B3GAT1: variants seen among roughly 807,000 people sequenced by gnomAD.
B3GAT1 encodes the protein galactosylgalactosylxylosylprotein 3-beta-glucuronosyltransferase 1.
A neutral mutation model predicts 28.4 loss-of-function variants in B3GAT1; 11 were observed. The observed-to-expected ratio is 0.39, with a 90% CI of 0.24 to 0.64. B3GAT1 has a LOEUF of 0.64. Among genes scored for constraint, B3GAT1 ranks in the 30% least tolerant of loss-of-function variants. The probability of loss-of-function intolerance (pLI) is 0.50; values close to 1 mark genes in which losing one functional copy is unlikely to be tolerated. For synonymous variants in B3GAT1, 255 were observed against 223.1 expected, an observed-to-expected ratio of 1.14 and a Z score of -1.27; for missense variants, 375 against 491.0, an observed-to-expected ratio of 0.76 and a Z score of 2.23.
chr11:134,410,901 T>C (rs1340345056), intron 1 of B3GAT1, among the ~76,000 whole-genome samples: 1 of 152,228 alleles, frequency 6.6e-6, no homozygotes, highest in Non-Finnish European at 1.5e-5. Flanking sequence ...CAGGTGCCCA[T>C]GCACTGGGCT....
rs1944853569 is a variant in B3GAT1 at position 134,411,545 on chromosome 11, TC to T, written c.-282+261del. ...TTAGAAGCTGCTGAGAACCAGCTCTTCCCCTAATCCCGGTCGACGAGGGCAG... is the reference window on the plus strand; with the variant it reads ...TTAGAAGCTGCTGAGAACCAGCTCTTCCCTAATCCCGGTCGACGAGGGCAG... On this transcript the variant is annotated intron_variant, in intron 1 of 5. Coordinates refer to ENST00000312527, the MANE Select transcript of B3GAT1 (RefSeq NM_054025.3). This position sits in a 1 kb window ranked among gnomAD's most constrained non-coding sequence, Gnocchi z 6.0. 6.6e-6 allele frequency among the ~76,000 whole-genome samples: 1 copy of T among 152,056 alleles called. No homozygotes were observed. Among genetic ancestry groups the T allele is most frequent in the Non-Finnish European group, 1.5e-5 (1 of 67,990 alleles).
At chr11:134,391,431 A>G (rs1162780405) in intron 1 of B3GAT1, 1 of 152,266 alleles carries the variant, frequency 6.6e-6, no homozygotes, top group Non-Finnish European at 1.5e-5. Context: ...AAGGTTGGCC[A>G]GCACTGGTCC....
At chr11:134,406,077 G>A (rs1218249049) in intron 1 of B3GAT1, among the ~76,000 whole-genome samples, 4 of 152,330 alleles carry the variant, frequency 2.6e-5, no homozygotes, top group Admixed American at 6.5e-5. Context: ...AGTTGCAGAC[G>A]CAGCTGGGAC....
chr11:134,395,682 C>A (rs1349774250), intron 1 of B3GAT1, among the ~76,000 whole-genome samples: 1 of 152,228 alleles, frequency 6.6e-6, no homozygotes, highest in South Asian at 2.1e-4. Context: ...TCCTTGCTAC[C>A]TTTCCATCCT....
At chr11:134,403,293 G>A (rs933314895) in intron 1 of B3GAT1, among the ~76,000 whole-genome samples, 1 of 152,158 alleles carries the variant, frequency 6.6e-6, no homozygotes, top group Non-Finnish European at 1.5e-5. Context: ...GAAGGCAGCA[G>A]GGATGAGAGC....
chr11:134,398,386 G>C (rs1010372494), intron 1 of B3GAT1, among the ~76,000 whole-genome samples: 1 of 152,214 alleles, frequency 6.6e-6, no homozygotes, highest in Admixed American at 6.5e-5. Flanking sequence ...GTGAGGCCAA[G>C]AGGCCAGTTC....
At chr11:134,410,143 T>C (rs557652813) in intron 1 of B3GAT1, among the ~76,000 whole-genome samples, 1 of 152,360 alleles carries the variant, frequency 6.6e-6, no homozygotes, top group African/African-American at 2.4e-5. Context: ...GTGAAGCTCC[T>C]TGGTCTCCGC....
At position 134,381,915 on chromosome 11, in the gene B3GAT1, T is replaced by A. The variant is rs370252219; in HGVS notation, c.*14+9A>T. 3.1e-4 allele frequency: 494 copies of A among 1,611,110 alleles called. 1 individual carries two copies. Among genetic ancestry groups the A allele is most frequent in the Non-Finnish European group, 3.4e-4 (403 of 1,177,594 alleles). On this transcript the variant is annotated intron_variant, in intron 5 of 5. Coordinates refer to ENST00000312527, the MANE Select transcript of B3GAT1 (RefSeq NM_054025.3). Reference sequence around the variant, plus strand: ...CCCAGTGTGTGGCCCACCCTCGTCATGCCCATACCTGCATCCTGAGGCTCA... The same window carrying A: ...CCCAGTGTGTGGCCCACCCTCGTCAAGCCCATACCTGCATCCTGAGGCTCA...
At chr11:134,399,856 T>G (rs773147926) in intron 1 of B3GAT1, among the ~76,000 whole-genome samples, 2 of 152,160 alleles carry the variant, frequency 1.3e-5, no homozygotes, top group Non-Finnish European at 2.9e-5. Context: ...CAGCACAGCC[T>G]GGACATAAGC....
In B3GAT1 at chr11:134,382,992, C is replaced by T. The variant is rs149652609; in HGVS notation, c.636G>A (p.Arg212=). ...LELFEEMRST[R]RVSVWPVAFV... is the part of the protein sequence containing the mutation. The stretch of plus-strand genomic sequence containing the variant: ...AGGCGACGGGCCACACGGACACCCT[C>T]CTGGTGCTGCGCATCTACAAGGGGG... The change falls in exon 4 of 6, where the codon AGG becomes AGA. Residue 212 remains arginine (R), a synonymous_variant. Transcript: ENST00000312527. 4.2e-5 allele frequency: 66 copies of T among 1,570,476 alleles called. No homozygotes were observed. In the African/African-American group the frequency reaches 8.2e-4, roughly 20 times the overall value.
chr11:134,388,097 T>C, intron 1 of B3GAT1, 157 bp from the exon 2 acceptor site: 1 of 368,976 alleles, frequency 2.7e-6, no homozygotes, highest in South Asian at 2.0e-5. Flanking sequence ...CCTGTTAGAG[T>C]GGAATGGGCT....
At position 134,396,624 on chromosome 11, in the gene B3GAT1, G is replaced by GA. The variant is rs5795883; in HGVS notation, c.-281-8685dup. Among the ~76,000 whole-genome samples, 192 of 147,554 alleles carry GA rather than the reference G, an allele frequency of 1.3e-3. 1 individual carries two copies. Among genetic ancestry groups the GA allele is most frequent in the South Asian group, 0.012 (55 of 4,678 alleles). ...TACCACTAGGCTGTCAGGATAACTA[G>GA]AAAAAAAAAAATCAGGCAAACCGTC... On this transcript the variant is annotated intron_variant, in intron 1 of 5. Coordinates refer to ENST00000312527, the MANE Select transcript of B3GAT1 (RefSeq NM_054025.3).
chr11:134,382,950 C>G lies in B3GAT1; in HGVS notation c.678G>C (p.Arg226=). 6.2e-7 allele frequency: 1 copy of G among 1,605,688 alleles called. No individual in the cohort carries two copies. The highest frequency in any genetic ancestry group is 2.2e-5 in the East Asian group (1 of 44,490). The change falls in exon 4 of 6, where the codon CGG becomes CGC. Residue 226 remains arginine (R), a synonymous_variant. Transcript: ENST00000312527. ...CCCCGTTCACCCGTGGGGCCTCGTA[C>G]CGCAGGCCACCCACGAAGGCGACGG... ...VWPVAFVGGL[R]YEAPRVNGAG...
At chr11:134,382,643 C>T in intron 4 of B3GAT1, 67 bp downstream of exon 4, 1 of 1,545,380 alleles carries the variant, frequency 6.5e-7, no homozygotes, top group Non-Finnish European at 8.8e-7. Context: ...TTCTCCCGAT[C>T]TGTAGGGAGG....
Position 134,387,620 on chromosome 11 carries a change from C to T in B3GAT1, c.40G>A (p.Val14Met), listed in dbSNP as rs376707624. Residue 14 changes from valine (V) to methionine (M), a missense_variant, in exon 2 of 6, where the codon GTG becomes ATG. Transcript: ENST00000312527. The stretch of plus-strand genomic sequence containing the variant: ...GTGATGAGCAGAGTCCAGGGCAGCA[C>T]GATGAGGACGATCGCTAGGATGTCC... ...RRDILAIVLIVLPWTLLITVW... is the reference protein window; with the variant it reads ...RRDILAIVLIMLPWTLLITVW... 10 of 1,614,122 alleles carry T rather than the reference C, an allele frequency of 6.2e-6. No homozygotes were observed. Among genetic ancestry groups the T allele is most frequent in the African/African-American group, 2.7e-5 (2 of 75,038 alleles).
chr11:134,387,440 G>A (rs1944315059), intron 2 of B3GAT1, 108 bp downstream of exon 2: 1 of 1,436,452 alleles, frequency 7.0e-7, no homozygotes, highest in South Asian at 1.3e-5. Flanking sequence ...TGATCCCGTG[G>A]TTCCTCCTAG....
At chr11:134,408,269 C>T (rs1291223980) in intron 1 of B3GAT1, among the ~76,000 whole-genome samples, 1 of 105,292 alleles carries the variant, frequency 9.5e-6, no homozygotes, top group Non-Finnish European at 1.8e-5. Context: ...ACAGCCTGCA[C>T]CGATTCCAGT....
rs926864736 is a variant in B3GAT1, at chr11:134,382,173, T to A, written c.919-149A>T. On this transcript the variant is annotated intron_variant, in intron 4 of 5. Transcript: ENST00000312527. ...AATTGTTCCATCAAGATTTTCTCAA[T>A]TGTTTTTTATTTATTTTCTGTGGCT... 2.2e-5 allele frequency: 15 copies of A among 678,288 alleles called. No individual in the cohort carries two copies. The Admixed American group carries it at 3.0e-4, about 14-fold the overall frequency. 42.0% of individuals were successfully genotyped at this position (678,288 alleles called of 1,614,324 possible). A position where few individuals can be genotyped will look rare whatever the true frequency, so the allele number is the denominator to read the frequency against.
rs1248784306 is a variant in B3GAT1 at position 134,383,697 on chromosome 11, G to C, written c.604C>G (p.Leu202Val). Residue 202 changes from leucine to valine, a missense_variant, in exon 3 of 6, where the codon CTG (leucine) becomes GTG (valine). By Grantham distance (32) the Leu-to-Val change is conservative (BLOSUM62 1). Coordinates refer to ENST00000312527, the MANE Select transcript of B3GAT1 (RefSeq NM_054025.3). ...TCCCTCACCTCTTCGAAGAGCTCCAGGCTGTAGGTGTTGTCGTCGTCGGCG... is the reference window on the plus strand; with the variant it reads ...TCCCTCACCTCTTCGAAGAGCTCCACGCTGTAGGTGTTGTCGTCGTCGGCG... ...YFADDDNTYS[L>V]ELFEEMRSTR... is the part of the protein sequence containing the mutation. 6.3e-7 allele frequency: 1 copy of C among 1,583,592 alleles called. No individual in the cohort carries two copies. Among genetic ancestry groups the C allele is most frequent in the African/African-American group, 1.3e-5 (1 of 74,468 alleles).
Sources: allele counts gnomAD v4.1 joint callset (sites outside exome capture counted in the v4.1 genomes callset), GRCh38; gene constraint gnomAD v4.1.1; non-coding constraint Gnocchi (gnomAD v3.1); transcripts MANE v1.5; gene names NCBI Gene and HGNC (gene_info 2026-07-23, HGNC 2026-07-21).